The following SRRM4 variants were observed in gnomAD, a reference collection of about 807,000 sequenced individuals.
SRRM4 encodes serine/arginine repetitive matrix 4.
Under a neutral mutation model 68.9 loss-of-function variants are expected in SRRM4, and 33 were observed. The ratio of observed to expected loss-of-function variants is 0.48; its 90% confidence interval spans 0.36 to 0.64. The LOEUF is 0.64. Ranked by LOEUF, SRRM4 falls within the 30% of genes least tolerant of loss-of-function variation. SRRM4 has a pLI of 0.00. For synonymous variants in SRRM4, 318 were observed against 318.8 expected (o/e 1.00, Z 0.03); for missense variants, 817 against 827.1 (o/e 0.99, Z 0.15).
At chr12:119,143,292 C>G (rs1026672211) in intron 8 of SRRM4, among the ~76,000 whole-genome samples, 2 of 152,174 alleles carry the variant, frequency 1.3e-5, no homozygotes, top group Non-Finnish European at 2.9e-5. Context: ...AGAAGTCCCC[C>G]CTCCTTTAGG....
chr12:119,004,200 G>T (rs1953402420), intron 1 of SRRM4, among the ~76,000 whole-genome samples: 3 of 152,118 alleles, frequency 2.0e-5, no homozygotes, highest in Admixed American at 2.0e-4. Context: ...ACCTGGTTAT[G>T]CCCCTGGTTC....
chr12:119,156,271 G>T (rs1485323293), intron 12 of SRRM4, among the ~76,000 whole-genome samples: 2 of 152,058 alleles, frequency 1.3e-5, no homozygotes, highest in Non-Finnish European at 2.9e-5. Context: ...CTTCATGGGG[G>T]AAAGAAAAAA....
intron 8 of SRRM4, 83 bp downstream of exon 8, chr12:119,130,917 G>A (rs1954293812): frequency 9.8e-6 from 13 of 1,330,868 alleles, no homozygotes; most frequent in Non-Finnish European, 1.3e-5. Context: ...GGCAGTGTAT[G>A]GTACACTTTA....
intron 1 of SRRM4, among the ~76,000 whole-genome samples, chr12:119,057,638 C>A (rs564715421): frequency 1.3e-5 from 2 of 152,222 alleles, no homozygotes; most frequent in South Asian, 4.1e-4. Flanking sequence ...CTATTGTGAA[C>A]AGTGCTGCAG....
chr12:119,043,726 G>T (rs376559261), intron 1 of SRRM4, among the ~76,000 whole-genome samples: 1 of 149,086 alleles, frequency 6.7e-6, no homozygotes. Flanking sequence ...AGAAAAGGGC[G>T]TAGGGGAACA....
chr12:119,156,975 T>TGGTAG lies in SRRM4; in HGVS notation c.*177_*178insGGTAG. The TGGTAG allele has an allele frequency of 1.4e-6, 1 of 726,392 alleles. No homozygotes were observed. The highest frequency in any genetic ancestry group is 2.2e-6 in the Non-Finnish European group (1 of 460,958). The allele number at this position is 726,392 out of a possible 1,614,324, so 45.0% of individuals were successfully genotyped here. A position where few individuals can be genotyped will look rare whatever the true frequency, so the allele number is the denominator to read the frequency against. ...GGCTTCACTCTCTAGATCAGCCTGC[T>TGGTAG]AGGAGCCTCTACCAGCATCATCCTG... On this transcript the variant is annotated 3_prime_UTR_variant, in exon 13 of 13. Coordinates refer to ENST00000267260, the MANE Select transcript of SRRM4 (RefSeq NM_194286.4).
chr12:119,119,377 G>A (rs1339420966), intron 4 of SRRM4, among the ~76,000 whole-genome samples: 2 of 151,700 alleles, frequency 1.3e-5, no homozygotes, highest in African/African-American at 4.8e-5. Context: ...ATTCTAGTGG[G>A]GAAAATCGAT....
intron 1 of SRRM4, among the ~76,000 whole-genome samples, chr12:119,093,536 A>G (rs151053684): frequency 8.7e-4 from 132 of 152,286 alleles, no homozygotes; most frequent in Middle Eastern, 3.4e-3. Context: ...CCATGGCAAG[A>G]AAACATAATT....
intron 1 of SRRM4, among the ~76,000 whole-genome samples, chr12:119,100,050 C>T (rs1954068684): frequency 6.6e-6 from 1 of 152,072 alleles, no homozygotes; most frequent in Admixed American, 6.6e-5. Flanking sequence ...CATTCTAAAC[C>T]ACCCAAATTT....
intron 1 of SRRM4, among the ~76,000 whole-genome samples, chr12:119,034,829 T>C (rs965087824): frequency 2.0e-5 from 3 of 152,212 alleles, no homozygotes; most frequent in Non-Finnish European, 4.4e-5. Context: ...CATACTTTTA[T>C]TCCTAATCAT....
intron 8 of SRRM4, among the ~76,000 whole-genome samples, chr12:119,135,301 C>G (rs1230208744): frequency 6.6e-6 from 1 of 152,176 alleles, no homozygotes; most frequent in Non-Finnish European, 1.5e-5. Context: ...TAGAAGGAGG[C>G]TGATCAAGTC....
chr12:119,155,777 A>G (rs375876310), intron 12 of SRRM4, among the ~76,000 whole-genome samples: 4 of 152,348 alleles, frequency 2.6e-5, no homozygotes, highest in African/African-American at 9.6e-5. Flanking sequence ...TATAATTCCT[A>G]GCATAATTTC....
At chr12:119,016,294 A>C (rs905117504) in intron 1 of SRRM4, among the ~76,000 whole-genome samples, 5 of 152,102 alleles carry the variant, frequency 3.3e-5, no homozygotes, top group Non-Finnish European at 5.9e-5. Flanking sequence ...GCCACTCAGC[A>C]TGTGGTACCT....
At chr12:119,011,849 A>G (rs1018786738) in intron 1 of SRRM4, among the ~76,000 whole-genome samples, 1 of 151,974 alleles carries the variant, frequency 6.6e-6, no homozygotes, top group Non-Finnish European at 1.5e-5. Context: ...GAATTGGAAG[A>G]CCTGGTTGCC....
intron 1 of SRRM4, among the ~76,000 whole-genome samples, chr12:118,996,963 C>T (rs908045460): frequency 2.7e-4 from 41 of 152,310 alleles, no homozygotes; most frequent in Non-Finnish European, 3.8e-4. Context: ...ATGAGGTGGA[C>T]CTCATGGGGC....
At chr12:119,021,689 T>C (rs1231051377) in intron 1 of SRRM4, among the ~76,000 whole-genome samples, 1 of 152,204 alleles carries the variant, frequency 6.6e-6, no homozygotes, top group East Asian at 1.9e-4. Context: ...TGCGACTTCA[T>C]TGAAAGAGAA....
At chr12:119,009,556 G>A (rs1187080177) in intron 1 of SRRM4, among the ~76,000 whole-genome samples, 1 of 152,174 alleles carries the variant, frequency 6.6e-6, no homozygotes, top group Admixed American at 6.5e-5. Flanking sequence ...CTGCACATCT[G>A]GGTCTAATTT....
chr12:119,155,572 A>G (rs1183067949), intron 12 of SRRM4, among the ~76,000 whole-genome samples: 1 of 152,158 alleles, frequency 6.6e-6, no homozygotes, highest in Non-Finnish European at 1.5e-5. Context: ...GTCTCTACCA[A>G]AAATACAAAA....
chr12:119,110,842 C>G (rs1837311899), intron 2 of SRRM4, among the ~76,000 whole-genome samples: 1 of 152,206 alleles, frequency 6.6e-6, no homozygotes, highest in South Asian at 2.1e-4. Flanking sequence ...CCGACAAGCC[C>G]CCATGAGATG....
Sources: allele counts gnomAD v4.1 joint callset (sites outside exome capture counted in the v4.1 genomes callset), GRCh38; gene constraint gnomAD v4.1.1; transcripts MANE v1.5; gene names NCBI Gene and HGNC (gene_info 2026-07-23, HGNC 2026-07-21).